NCK2: variants seen among roughly 807,000 people sequenced by gnomAD.
NCK2 encodes NCK adaptor protein 2.
A neutral mutation model predicts 33.9 loss-of-function variants in NCK2; 16 were observed. The observed-to-expected ratio is 0.47, with a 90% CI of 0.32 to 0.72. The LOEUF (loss-of-function observed/expected upper bound fraction) is 0.72. Among genes scored for constraint, NCK2 ranks in the 30% least tolerant of loss-of-function variants. The pLI, the probability that NCK2 is intolerant of heterozygous loss-of-function variation, is 0.03. For missense variants in NCK2, 418 were observed against 537.3 expected, an observed-to-expected ratio of 0.78 and a Z score of 2.19; for synonymous variants, 273 against 239.9, an observed-to-expected ratio of 1.14 and a Z score of -1.27.
At chr2:105,786,588 A>G (rs947117771) in intron 1 of NCK2, among the ~76,000 whole-genome samples, 15 of 152,298 alleles carry the variant, frequency 9.8e-5, no homozygotes, top group African/African-American at 3.4e-4. Context: ...TCGCGCGGTT[A>G]TGAGAGTGAA....
chr2:105,761,952 A>G (rs1179060276), intron 1 of NCK2, among the ~76,000 whole-genome samples: 1 of 152,174 alleles, frequency 6.6e-6, no homozygotes, highest in African/African-American at 2.4e-5. Flanking sequence ...GTTACAGTTT[A>G]TGTTTTCTCT....
chr2:105,772,715 T>A (rs1202305697), intron 1 of NCK2, among the ~76,000 whole-genome samples: 1 of 151,986 alleles, frequency 6.6e-6, no homozygotes, highest in African/African-American at 2.4e-5. Flanking sequence ...CTACTAGAGT[T>A]TTTCCCCGAA....
chr2:105,879,500 A>T (rs545400217), intron 3 of NCK2, among the ~76,000 whole-genome samples: 1 of 152,392 alleles, frequency 6.6e-6, no homozygotes, highest in South Asian at 2.1e-4. Context: ...ATAAGTTAAC[A>T]CAAAGTAGAA....
chr2:105,747,358 C>T (rs1041031069), intron 1 of NCK2, among the ~76,000 whole-genome samples: 1 of 152,192 alleles, frequency 6.6e-6, no homozygotes, highest in Non-Finnish European at 1.5e-5. Flanking sequence ...TTAAAATACC[C>T]TAAGACTCCC....
chr2:105,760,213 T>TA lies in NCK2; in HGVS notation c.-201+15076dup, dbSNP rs539478482. 7.1e-3 allele frequency among the ~76,000 whole-genome samples: 1,086 copies of TA among 152,332 alleles called. 13 individuals carry two copies. The highest frequency in any genetic ancestry group is 0.025 in the African/African-American group (1,037 of 41,574). On this transcript the variant is annotated intron_variant, in intron 1 of 4. Coordinates refer to ENST00000233154, the MANE Select transcript of NCK2 (RefSeq NM_003581.5). ...AAGGGACCAAGATTTTCAGTGGGGA[T>TA]AGAAGGCACTGTGGCACAGACAGCC... is the stretch of plus-strand genomic sequence containing the variant.
Position 105,881,529 on chromosome 2 carries a change from A to T in NCK2, c.428A>T (p.Lys143Met). The change falls in exon 4 of 5, where the codon AAG (lysine) becomes ATG (methionine). Residue 143 changes from lysine to methionine, a missense_variant. Transcript: ENST00000233154. Reference sequence around the variant, plus strand: ...GGGTCGCGCGTCACCGTCATGGAGAAGTGCAGCGACGGTTGGTGGCGGGGC... The same window carrying T: ...GGGTCGCGCGTCACCGTCATGGAGATGTGCAGCGACGGTTGGTGGCGGGGC... ...VKGSRVTVME[K>M]CSDGWWRGSY... is the part of the protein sequence containing the mutation. 6.2e-7 allele frequency: 1 copy of T among 1,614,050 alleles called. No homozygotes were observed. Among genetic ancestry groups the T allele is most frequent in the Non-Finnish European group, 8.5e-7 (1 of 1,180,026 alleles).
intron 1 of NCK2, among the ~76,000 whole-genome samples, chr2:105,756,624 A>T (rs1689605780): frequency 6.6e-6 from 1 of 152,142 alleles, no homozygotes; most frequent in Admixed American, 6.5e-5. Flanking sequence ...CCATGGGGGA[A>T]TGTCAGGCCC....
At chr2:105,878,638 T>TTA (rs1678333828) in intron 3 of NCK2, among the ~76,000 whole-genome samples, 1 of 152,178 alleles carries the variant, frequency 6.6e-6, no homozygotes. Flanking sequence ...TCTATGGTAC[T>TTA]TATCATGGTT....
At chr2:105,834,962 T>C (rs1676337365) in intron 2 of NCK2, among the ~76,000 whole-genome samples, 1 of 152,134 alleles carries the variant, frequency 6.6e-6, no homozygotes, top group Non-Finnish European at 1.5e-5. Flanking sequence ...ACAAGCATGA[T>C]CCACTATGCC....
At chr2:105,768,466 C>T (rs996633178) in intron 1 of NCK2, among the ~76,000 whole-genome samples, 4 of 152,206 alleles carry the variant, frequency 2.6e-5, no homozygotes, top group Non-Finnish European at 5.9e-5. Flanking sequence ...GCCACCTGTA[C>T]TTCTGATCAA....
intron 1 of NCK2, among the ~76,000 whole-genome samples, chr2:105,763,888 T>C (rs952718637): frequency 5.3e-5 from 8 of 152,258 alleles, no homozygotes; most frequent in Admixed American, 6.5e-5. Flanking sequence ...AAATACCAGC[T>C]GCTAGAAGTT....
At chr2:105,747,372 A>ATGG (rs1689319734) in intron 1 of NCK2, among the ~76,000 whole-genome samples, 1 of 152,194 alleles carries the variant, frequency 6.6e-6, no homozygotes, top group South Asian at 2.1e-4. Flanking sequence ...GACTCCCGGA[A>ATGG]TGGCGCAGAA....
chr2:105,782,413 A>T (rs2104404978), intron 1 of NCK2, among the ~76,000 whole-genome samples: 1 of 152,310 alleles, frequency 6.6e-6, no homozygotes, highest in South Asian at 2.1e-4. Flanking sequence ...AGTTGGGTTG[A>T]TGGCCATTTG....
chr2:105,768,839 G>A (rs931481479), intron 1 of NCK2, among the ~76,000 whole-genome samples: 1 of 152,164 alleles, frequency 6.6e-6, no homozygotes, highest in African/African-American at 2.4e-5. Context: ...CACATGGGAC[G>A]AGGGGTGGGA....
intron 3 of NCK2, among the ~76,000 whole-genome samples, chr2:105,872,074 C>T (rs574282826): frequency 3.1e-4 from 47 of 152,248 alleles, no homozygotes; most frequent in South Asian, 2.3e-3. Flanking sequence ...TAAACGTACG[C>T]AGTTCTTAAT....
At chr2:105,744,636 G>C (rs1007616329), upstream of NCK2, among the ~76,000 whole-genome samples, 2 of 151,932 alleles carry the variant, frequency 1.3e-5, no homozygotes, top group Non-Finnish European at 2.9e-5. Flanking sequence ...GGCCCGTGCT[G>C]CGCCTCCAGA....
chr2:105,839,572 C>G (rs1160914889), intron 2 of NCK2, among the ~76,000 whole-genome samples: 1 of 152,146 alleles, frequency 6.6e-6, no homozygotes, highest in Non-Finnish European at 1.5e-5. Context: ...GCGGGAGGCA[C>G]AGGAGGTAGT....
At chr2:105,845,723 A>T (rs1406548344) in intron 2 of NCK2, among the ~76,000 whole-genome samples, 2 of 152,046 alleles carry the variant, frequency 1.3e-5, no homozygotes, top group Non-Finnish European at 2.9e-5. Context: ...TGTTTAAGTT[A>T]CAAAATTTAC....
rs766446105 is a variant in NCK2, at chr2:105,855,138, G to A, written c.75G>A (p.Lys25=). ...AQQDQELDIK[K]NERLWLLDDS... ...AGGACCAGGAGCTGGACATCAAGAA[G>A]AACGAGCGGCTGTGGTTGCTGGACG... The change falls in exon 3 of 5, where the codon AAG becomes AAA. Residue 25 remains lysine (K), a synonymous_variant. Coordinates refer to ENST00000233154, the MANE Select transcript of NCK2 (RefSeq NM_003581.5). 2 of 1,614,238 alleles carry A rather than the reference G, an allele frequency of 1.2e-6. 1 individual carries two copies. Among genetic ancestry groups the A allele is most frequent in the South Asian group, 2.2e-5 (2 of 91,086 alleles).
Sources: allele counts gnomAD v4.1 joint callset (sites outside exome capture counted in the v4.1 genomes callset), GRCh38; gene constraint gnomAD v4.1.1; transcripts MANE v1.5; gene names NCBI Gene and HGNC (gene_info 2026-07-23, HGNC 2026-07-21).